The following INSR variants were observed in gnomAD, a reference collection of about 807,000 sequenced individuals.
INSR encodes IR.
INSR carries 67 observed loss-of-function variants against 142.6 expected under a neutral mutation model. The ratio of observed to expected loss-of-function variants is 0.47; its 90% CI spans 0.39 to 0.58. INSR has a LOEUF of 0.58. Among genes scored for constraint, INSR ranks in the 20% least tolerant of loss-of-function variants. INSR has a pLI of 0.00. For synonymous variants in INSR, 756 were observed against 743.1 expected, an observed-to-expected ratio of 1.02 and a Z score of -0.28; for missense variants, 1,248 against 1,833.2, an observed-to-expected ratio of 0.68 and a Z score of 5.83.
At position 7,184,603 on chromosome 19, in the gene INSR, G is replaced by A. The variant is rs150568177; in HGVS notation, c.687C>T (p.Thr229=). The change falls in exon 3 of 22, where the codon ACC becomes ACT. Residue 229 remains threonine (T), a synonymous_variant. Transcript: ENST00000302850. ...CGCTGTGGCAACAGAGGCCTTCGGC[G>A]GTGCAGCCGTGTGACTTACAGATGG... ...CPTICKSHGC[T]AEGLCCHSEC... 696 of 1,612,472 alleles carry A rather than the reference G, an allele frequency of 4.3e-4. 2 individuals are homozygous for A. Among genetic ancestry groups the A allele is most frequent in the African/African-American group, 3.3e-3 (242 of 74,410 alleles).
In INSR at chr19:7,142,752, A is replaced by T; in HGVS notation, c.2542+64T>A. ...ATATGCACTGCTTAGAGGGTGGAGAATCTGTCCTTGGTCAGCCTTGATGTC... is the reference window on the plus strand; with the variant it reads ...ATATGCACTGCTTAGAGGGTGGAGATTCTGTCCTTGGTCAGCCTTGATGTC... On this transcript the variant is annotated intron_variant, in intron 12 of 21. Transcript: ENST00000302850. 3.2e-6 allele frequency: 5 copies of T among 1,584,438 alleles called. No homozygotes were observed. In the East Asian group the frequency reaches 8.9e-5, roughly 28 times the overall value.
At chr19:7,140,145 T>G (rs969412125) in intron 13 of INSR, among the ~76,000 whole-genome samples, 1 of 152,182 alleles carries the variant, frequency 6.6e-6, no homozygotes, top group Non-Finnish European at 1.5e-5. Flanking sequence ...ATCTCAATTG[T>G]AAATTATTGT....
At position 7,249,796 on chromosome 19, in the gene INSR, T is replaced by G. The variant is rs111953345; in HGVS notation, c.652+17549A>C. ...TCACGAGGTCAGGAGATCGAGACCATCCTGGCTAACAGGGTGAAACCCCGT... is the reference window on the plus strand; with the variant it reads ...TCACGAGGTCAGGAGATCGAGACCAGCCTGGCTAACAGGGTGAAACCCCGT... On this transcript the variant is annotated intron_variant, in intron 2 of 21. Transcript: ENST00000302850. Among the ~76,000 whole-genome samples, 22 of 152,138 alleles carry G rather than the reference T, an allele frequency of 1.4e-4. No individual in the cohort carries two copies. The East Asian group carries it at 2.3e-3, about 16-fold the overall frequency.
intron 2 of INSR, among the ~76,000 whole-genome samples, chr19:7,191,025 G>A (rs1386792012): frequency 1.3e-5 from 2 of 152,058 alleles, no homozygotes; most frequent in African/African-American, 2.4e-5. Flanking sequence ...GGCTGGGAAC[G>A]GTGGCTCACG....
rs1418954883 is a variant in INSR at position 7,294,099 on chromosome 19, G to C, written c.-208C>G. On this transcript the variant is annotated 5_prime_UTR_variant, in exon 1 of 22. Transcript: ENST00000302850. Reference sequence around the variant, plus strand: ...CGCGGCTTCGCCAGCTACAAATACTGAGCGGAGGCCCTTGCGGTGGTGGCC... The same window carrying C: ...CGCGGCTTCGCCAGCTACAAATACTCAGCGGAGGCCCTTGCGGTGGTGGCC... 3.3e-6 allele frequency: 1 copy of C among 305,556 alleles called. No homozygotes were observed. Among genetic ancestry groups the C allele is most frequent in the African/African-American group, 2.2e-5 (1 of 44,658 alleles). The allele number at this position is 305,556 out of a possible 1,614,324, so 18.9% of individuals were successfully genotyped here. A position where few individuals can be genotyped will look rare whatever the true frequency, so the allele number is the denominator to read the frequency against.
intron 2 of INSR, among the ~76,000 whole-genome samples, chr19:7,260,244 T>A (rs1419895780): frequency 1.3e-5 from 2 of 152,112 alleles, no homozygotes; most frequent in African/African-American, 4.8e-5. Context: ...GCTTTCAGCC[T>A]CCCCCTCCTG....
intron 9 of INSR, among the ~76,000 whole-genome samples, chr19:7,160,987 C>G (rs1323578387): frequency 7.2e-6 from 1 of 138,378 alleles, no homozygotes; most frequent in African/African-American, 2.7e-5. Flanking sequence ...CGGAGTGAGA[C>G]TCCGTGTCAA....
intron 2 of INSR, among the ~76,000 whole-genome samples, chr19:7,241,316 C>A (rs1170375136): frequency 6.6e-6 from 1 of 151,758 alleles, no homozygotes; most frequent in Non-Finnish European, 1.5e-5. Flanking sequence ...GTAGCCAGAA[C>A]TACAAGAACA....
chr19:7,164,654 CAAAAAAAA>C (rs539037803), intron 8 of INSR, among the ~76,000 whole-genome samples: 1,272 of 76,058 alleles, frequency 0.017, 26 homozygotes, highest in African/African-American at 0.052. Context: ...CTTGTCTCTA[CAAAAAAAA>C]AAAAAAAAAA....
chr19:7,259,112 CTTTCT>C (rs1976983999), intron 2 of INSR, among the ~76,000 whole-genome samples: 2 of 59,594 alleles, frequency 3.4e-5, no homozygotes, highest in Non-Finnish European at 3.5e-5. Flanking sequence ...TCCTTCCTTC[CTTTCT>C]TTCCTTTTAT....
chr19:7,170,467 A>T, intron 6 of INSR, 70 bp downstream of exon 6: 1 of 1,119,468 alleles, frequency 8.9e-7, no homozygotes, highest in Non-Finnish European at 1.4e-6. Flanking sequence ...ACCCACCACC[A>T]GTCCATGGAA....
chr19:7,266,622 T>C (rs2145207215), intron 2 of INSR, among the ~76,000 whole-genome samples: 1 of 152,218 alleles, frequency 6.6e-6, no homozygotes, highest in South Asian at 2.1e-4. Flanking sequence ...TGACCTCAAG[T>C]GGTCCACCCG....
intron 2 of INSR, among the ~76,000 whole-genome samples, chr19:7,253,983 T>C (rs1296035701): frequency 6.8e-6 from 1 of 146,316 alleles, no homozygotes; most frequent in Non-Finnish European, 1.5e-5. Flanking sequence ...GAGCCGAGAT[T>C]GTGTCACTGT....
chr19:7,294,074 C>T lies in INSR; in HGVS notation c.-183G>A, dbSNP rs1387392294. ...CAGAGGCAGCCCCGGGAAGGGCGCG[C>T]GCGGCTTCGCCAGCTACAAATACTG... On this transcript the variant is annotated 5_prime_UTR_variant, in exon 1 of 22. Coordinates refer to ENST00000302850, the MANE Select transcript of INSR (RefSeq NM_000208.4). 2.1e-5 allele frequency: 10 copies of T among 482,276 alleles called. No individual in the cohort carries two copies. In the Admixed American group the frequency reaches 2.2e-4, roughly 11 times the overall value. 29.9% of individuals were successfully genotyped at this position (482,276 alleles called of 1,614,324 possible).
intron 2 of INSR, among the ~76,000 whole-genome samples, chr19:7,260,616 T>C (rs994918753): frequency 6.6e-6 from 1 of 152,118 alleles, no homozygotes; most frequent in Non-Finnish European, 1.5e-5. Flanking sequence ...CTGGTAGATA[T>C]TCACCTGGAA....
At chr19:7,157,889 T>C (rs1215802055) in intron 9 of INSR, among the ~76,000 whole-genome samples, 2 of 151,932 alleles carry the variant, frequency 1.3e-5, no homozygotes, top group Middle Eastern at 3.4e-3. Context: ...CCCAAGTATT[T>C]ACACAGCTTT....
intron 2 of INSR, among the ~76,000 whole-genome samples, chr19:7,210,298 T>C (rs1975234502): frequency 6.9e-6 from 1 of 145,962 alleles, no homozygotes; most frequent in Non-Finnish European, 1.5e-5. Context: ...TGAGCCGAGA[T>C]TGAGCCATTG....
Position 7,125,221 on chromosome 19 carries a change from A to G in INSR, c.3258+62T>C. 6.2e-7 allele frequency: 1 copy of G among 1,602,726 alleles called. No individual in the cohort carries two copies. Among genetic ancestry groups the G allele is most frequent in the South Asian group, 1.1e-5 (1 of 90,558 alleles). ...GTCCTCTGTCGCTCTGTGCAGGAGG[A>G]GGAGGCAGAGAAAGGGAAGGGTCAG... On this transcript the variant is annotated intron_variant, in intron 17 of 21. Coordinates refer to ENST00000302850, the MANE Select transcript of INSR (RefSeq NM_000208.4). The surrounding 1 kb of genome is among the most constrained non-coding windows in gnomAD (Gnocchi z 4.9).
chr19:7,229,371 T>C (rs928236725), intron 2 of INSR, among the ~76,000 whole-genome samples: 2 of 150,794 alleles, frequency 1.3e-5, no homozygotes, highest in African/African-American at 2.4e-5. Context: ...GATGGATAGA[T>C]GGATGGGCAG....
Sources: gnomAD v4.1 joint callset for allele counts (sites outside exome capture counted in the v4.1 genomes callset) on GRCh38, gnomAD v4.1.1 for gene constraint, Gnocchi (gnomAD v3.1) non-coding constraint, MANE v1.5 for transcripts, NCBI Gene and HGNC (gene_info 2026-07-23, HGNC 2026-07-21) for gene names.